The following LRBA variants were observed in gnomAD, a reference collection of about 807,000 sequenced individuals.
LRBA encodes LPS responsive beige-like anchor protein, also known as lipopolysaccharide-responsive and beige-like anchor protein.
A neutral mutation model predicts 330.0 loss-of-function variants in LRBA; 176 were observed. The ratio of observed to expected loss-of-function variants is 0.53; its 90% CI spans 0.47 to 0.60. The LOEUF is 0.60. LRBA is among the 20% of genes least tolerant of loss of function. The pLI is 0.00. For synonymous variants in LRBA, 1,230 were observed against 1,193.0 expected, an observed-to-expected ratio of 1.03 and a Z score of -0.64; for missense variants, 3,259 against 3,444.8, an observed-to-expected ratio of 0.95 and a Z score of 1.35.
chr4:150,811,669 AT>A (rs1266648774), intron 31 of LRBA, among the ~76,000 whole-genome samples: 1 of 151,740 alleles, frequency 6.6e-6, no homozygotes, highest in African/African-American at 2.4e-5. Flanking sequence ...CGTTCAGCTA[AT>A]TTTTTTTAAT....
chr4:150,748,016 CAAT>C (rs1050872052), intron 35 of LRBA, among the ~76,000 whole-genome samples: 4 of 152,132 alleles, frequency 2.6e-5, no homozygotes, highest in Non-Finnish European at 4.4e-5. Flanking sequence ...TACTCACTGC[CAAT>C]AATACCTCTT....
In LRBA at chr4:150,611,969, C is replaced by T. The variant is rs375030036; in HGVS notation, c.5922-12838G>A. Among the ~76,000 whole-genome samples, 4 of 152,292 alleles carry T rather than the reference C, an allele frequency of 2.6e-5. No individual in the cohort carries two copies. The East Asian group carries it at 7.7e-4, about 29-fold the overall frequency. ...TCAGGCTGGAGTGCAGTGGCACAAT[C>T]ACGGTTCACTGCAACTTCAACATCG... On this transcript the variant is annotated intron_variant, in intron 37 of 56. Coordinates refer to ENST00000651943, the MANE Select transcript of LRBA (RefSeq NM_001364905.1).
At chr4:150,870,445 C>T (rs967225183) in intron 20 of LRBA, 80 bp downstream of exon 20, 69 of 779,472 alleles carry the variant, frequency 8.9e-5, no homozygotes, top group Admixed American at 6.8e-4. Flanking sequence ...GTTTCAACAA[C>T]ATCAATTTTA....
chr4:150,552,685 GAC>G (rs1401682310), intron 40 of LRBA, among the ~76,000 whole-genome samples: 1 of 152,080 alleles, frequency 6.6e-6, no homozygotes, highest in Admixed American at 6.6e-5. Flanking sequence ...CTGATATAAA[GAC>G]ACATGCACAC....
intron 40 of LRBA, among the ~76,000 whole-genome samples, chr4:150,546,347 A>C (rs1765859397): frequency 6.6e-6 from 1 of 152,188 alleles, no homozygotes; most frequent in Non-Finnish European, 1.5e-5. Context: ...CTTTTGCAAC[A>C]ATTTTGTGTA....
chr4:150,953,341 G>T (rs1368502178), intron 2 of LRBA, among the ~76,000 whole-genome samples: 4 of 151,296 alleles, frequency 2.6e-5, no homozygotes, highest in African/African-American at 9.7e-5. Flanking sequence ...AAATTTAAAA[G>T]AATAGCTCCC....
intron 54 of LRBA, among the ~76,000 whole-genome samples, chr4:150,285,302 G>A (rs1432350571): frequency 6.6e-6 from 1 of 152,180 alleles, no homozygotes; most frequent in Non-Finnish European, 1.5e-5. Flanking sequence ...AGTAAGCAAC[G>A]AATTGGAAAC....
At chr4:150,309,145 G>A (rs777807641) in intron 52 of LRBA, among the ~76,000 whole-genome samples, 1 of 152,012 alleles carries the variant, frequency 6.6e-6, no homozygotes, top group Non-Finnish European at 1.5e-5. Context: ...CAATGGAATG[G>A]TTTTTATCTC....
chr4:150,930,273 C>G (rs1438730878), intron 2 of LRBA, among the ~76,000 whole-genome samples: 1 of 151,778 alleles, frequency 6.6e-6, no homozygotes, highest in South Asian at 2.1e-4. Flanking sequence ...TGAGATTGTG[C>G]CACTGCACTG....
intron 37 of LRBA, among the ~76,000 whole-genome samples, chr4:150,622,688 CTTTTT>C (rs10528461): frequency 1.0e-4 from 11 of 105,644 alleles, no homozygotes; most frequent in African/African-American, 4.1e-4. Flanking sequence ...CTAAATCAAT[CTTTTT>C]TTTTTTTTTT....
In LRBA at chr4:150,767,547, C is replaced by G. The variant is rs1735921883; in HGVS notation, c.5581-5700G>C. On this transcript the variant is annotated intron_variant, in intron 34 of 56. Transcript: ENST00000651943. ...GGCCAAGGCAGGCAGATCACGAGGTCAGGAGATCGAGACCATCCTGGCCAA... is the reference window on the plus strand; with the variant it reads ...GGCCAAGGCAGGCAGATCACGAGGTGAGGAGATCGAGACCATCCTGGCCAA... 1.3e-5 allele frequency among the ~76,000 whole-genome samples: 2 copies of G among 151,912 alleles called. 1 individual carries two copies. Among genetic ancestry groups the G allele is most frequent in the South Asian group, 4.1e-4 (2 of 4,824 alleles).
intron 9 of LRBA, among the ~76,000 whole-genome samples, chr4:150,909,614 A>C (rs1207712961): frequency 1.3e-5 from 2 of 152,022 alleles, no homozygotes; most frequent in Non-Finnish European, 2.9e-5. Context: ...TCTCCTTGTG[A>C]CCCTATTTTT....
chr4:150,624,099 TTTC>T (rs1311749874), intron 37 of LRBA, among the ~76,000 whole-genome samples: 1 of 152,188 alleles, frequency 6.6e-6, no homozygotes, highest in Non-Finnish European at 1.5e-5. Context: ...TTAAAATCTA[TTTC>T]TTTTTAAAAT....
intron 4 of LRBA, among the ~76,000 whole-genome samples, chr4:150,927,074 G>C (rs374531079): frequency 9.4e-6 from 1 of 106,348 alleles, no homozygotes; most frequent in East Asian, 2.9e-4. Context: ...CGTCTCAAAA[G>C]AAAGAAAAAA....
intron 35 of LRBA, among the ~76,000 whole-genome samples, chr4:150,741,069 A>T (rs1238298160): frequency 6.6e-6 from 1 of 152,144 alleles, no homozygotes; most frequent in Non-Finnish European, 1.5e-5. Flanking sequence ...AAGTTTCTAG[A>T]AGATTACATA....
At chr4:150,823,845 T>C (rs1428744301) in intron 30 of LRBA, among the ~76,000 whole-genome samples, 1 of 152,186 alleles carries the variant, frequency 6.6e-6, no homozygotes, top group Non-Finnish European at 1.5e-5. Context: ...CATGCTGTTT[T>C]GGTTACCATA....
At chr4:150,270,915 C>T (rs1004462517) in intron 56 of LRBA, among the ~76,000 whole-genome samples, 12 of 152,350 alleles carry the variant, frequency 7.9e-5, no homozygotes, top group East Asian at 3.9e-4. Context: ...CTTCTTCAGG[C>T]TGGCAATCGC....
intron 34 of LRBA, among the ~76,000 whole-genome samples, chr4:150,765,494 T>C (rs1317202136): frequency 6.6e-6 from 1 of 152,060 alleles, no homozygotes; most frequent in Non-Finnish European, 1.5e-5. Context: ...GAGAAGGCTA[T>C]GAGTGTGTAG....
At chr4:150,759,681 T>A (rs1399166734) in intron 35 of LRBA, among the ~76,000 whole-genome samples, 1 of 152,154 alleles carries the variant, frequency 6.6e-6, no homozygotes, top group Non-Finnish European at 1.5e-5. Context: ...ACTTTTTTTT[T>A]TATTGTTTAT....
Sources: allele counts gnomAD v4.1 joint callset (sites outside exome capture counted in the v4.1 genomes callset), GRCh38; gene constraint gnomAD v4.1.1; transcripts MANE v1.5; gene names NCBI Gene and HGNC (gene_info 2026-07-23, HGNC 2026-07-21).